Variants in DNAJC6 observed in about 807,000 individuals in gnomAD.
The protein encoded by DNAJC6 is DnaJ heat shock protein family (Hsp40) member C6.
DNAJC6 carries 34 observed loss-of-function variants against 110.0 expected under a neutral mutation model. The observed-to-expected ratio is 0.31, with a 90% CI of 0.24 to 0.41. The LOEUF (loss-of-function observed/expected upper bound fraction) is 0.41, where lower values mean the gene tolerates loss of function less well. Ranked by LOEUF, DNAJC6 falls within the 10% of genes least tolerant of loss-of-function variation. The probability of loss-of-function intolerance (pLI) is 1.00; values close to 1 mark genes in which losing one functional copy is unlikely to be tolerated. For synonymous variants in DNAJC6, 406 were observed against 437.2 expected (o/e 0.93, Z 0.89); for missense variants, 1,031 against 1,207.8 (o/e 0.85, Z 2.17).
chr1:65,412,310 A>G (rs1646136303), intron 18 of DNAJC6, among the ~76,000 whole-genome samples: 1 of 152,254 alleles, frequency 6.6e-6, no homozygotes, highest in Non-Finnish European at 1.5e-5. Context: ...AACATTCAGC[A>G]AGAAGTGAGT....
At chr1:65,285,498 T>C (rs1389194053) in intron 1 of DNAJC6, among the ~76,000 whole-genome samples, 2 of 152,180 alleles carry the variant, frequency 1.3e-5, no homozygotes, top group African/African-American at 4.8e-5. Context: ...TCTAACAATA[T>C]ATATTACACA....
intron 1 of DNAJC6, among the ~76,000 whole-genome samples, chr1:65,278,244 GT>G (rs1653737879): frequency 6.6e-6 from 1 of 152,082 alleles, no homozygotes; most frequent in African/African-American, 2.4e-5. Flanking sequence ...CATCTCATAT[GT>G]TTTTGATCAC....
Position 65,266,361 on chromosome 1 carries a change from A to G in DNAJC6, c.-131+1429A>G, listed in dbSNP as rs963946587. 2.0e-5 allele frequency among the ~76,000 whole-genome samples: 3 copies of G among 152,332 alleles called. No homozygotes were observed. The East Asian group carries it at 5.8e-4, about 29-fold the overall frequency. On this transcript the variant is annotated intron_variant, in intron 1 of 19. Coordinates refer to the DNAJC6 transcript ENST00000263441. ...GAAACTGTAATGAAGGCTCTTAAAC[A>G]ATCCCACTTTCCATAATTGAGGCTT...
intron 1 of DNAJC6, among the ~76,000 whole-genome samples, chr1:65,323,587 C>G (rs1485114888): frequency 6.6e-6 from 1 of 151,962 alleles, no homozygotes; most frequent in Non-Finnish European, 1.5e-5. Context: ...ATACACCTTC[C>G]TTCCTTTGTT....
chr1:65,409,599 G>A (rs1391668062), intron 17 of DNAJC6, among the ~76,000 whole-genome samples: 1 of 151,824 alleles, frequency 6.6e-6, no homozygotes. Context: ...ATTGACTGAA[G>A]CCCCCAGGAT....
intron 1 of DNAJC6, among the ~76,000 whole-genome samples, chr1:65,321,495 C>G (rs78333134): frequency 0.071 from 10,752 of 152,120 alleles, 638 homozygotes; most frequent in East Asian, 0.23. Flanking sequence ...CCACACCCAG[C>G]CTAAATTTAA....
intron 1 of DNAJC6, among the ~76,000 whole-genome samples, chr1:65,331,206 GTTGGTTCT>G (rs1387285959): frequency 6.6e-6 from 1 of 152,188 alleles, no homozygotes; most frequent in Non-Finnish European, 1.5e-5. Flanking sequence ...ACAAGTCCTG[GTTGGTTCT>G]TTGTAGCCAT....
At chr1:65,334,053 AT>A (rs1645312339) in intron 1 of DNAJC6, among the ~76,000 whole-genome samples, 2 of 152,254 alleles carry the variant, frequency 1.3e-5, no homozygotes, top group Non-Finnish European at 2.9e-5. Flanking sequence ...AAGATGGCAA[AT>A]TTATCGTTAG....
At chr1:65,361,988 T>C (rs1645602367) in intron 1 of DNAJC6, among the ~76,000 whole-genome samples, 1 of 152,192 alleles carries the variant, frequency 6.6e-6, no homozygotes, top group Non-Finnish European at 1.5e-5. Flanking sequence ...TGCAAAATTA[T>C]GCAAATAGAA....
intron 1 of DNAJC6, among the ~76,000 whole-genome samples, chr1:65,297,670 A>G (rs1644940788): frequency 1.3e-5 from 2 of 152,216 alleles, no homozygotes; most frequent in South Asian, 4.1e-4. Context: ...TGAAACAAAG[A>G]TGATAACAGC....
chr1:65,381,351 C>T (rs1271742710), intron 5 of DNAJC6, among the ~76,000 whole-genome samples: 1 of 151,790 alleles, frequency 6.6e-6, no homozygotes, highest in Non-Finnish European at 1.5e-5. Flanking sequence ...AGTTTGAGAC[C>T]AGCCTGGCCA....
intron 1 of DNAJC6, among the ~76,000 whole-genome samples, chr1:65,267,199 T>C (rs1653364374): frequency 6.6e-6 from 1 of 152,040 alleles, no homozygotes; most frequent in Admixed American, 6.6e-5. Context: ...GCCTGGCCGG[T>C]ATTTAGAATT....
chr1:65,392,627 C>T lies in DNAJC6; in HGVS notation c.1665C>T (p.Asp555=), dbSNP rs1450798101. The T allele has an allele frequency of 6.2e-7, 1 of 1,613,730 alleles. No individual in the cohort carries two copies. The highest frequency in any genetic ancestry group is 1.1e-5 in the South Asian group (1 of 90,986). ...PAAPPPPEDV[D]LLGLEGSAMS... is the part of the protein sequence containing the mutation. Reference sequence around the variant, plus strand: ...CCCCTCCACCCCCTGAGGATGTGGACCTTTTGGGCCTGGAAGGGTCTGCAA... The same window carrying T: ...CCCCTCCACCCCCTGAGGATGTGGATCTTTTGGGCCTGGAAGGGTCTGCAA... Residue 555 remains aspartate (D), a synonymous_variant, in exon 12 of 19, where the codon GAC becomes GAT. Coordinates refer to ENST00000371069, the MANE Select transcript of DNAJC6 (RefSeq NM_001256864.2).
chr1:65,395,565 T>C (rs889108995), intron 13 of DNAJC6, among the ~76,000 whole-genome samples: 1 of 151,864 alleles, frequency 6.6e-6, no homozygotes, highest in Non-Finnish European at 1.5e-5. Context: ...ACACTCCAAG[T>C]ATAAAATACA....
In DNAJC6 at chr1:65,315,035, T is replaced by C. The variant is rs1333710005; in HGVS notation, c.193+5097T>C. ...AGCTTTAGCTACTGGGGCAGTGTCT[T>C]TGAACTGTTCTCATCAGTGCAGAGT... On this transcript the variant is annotated intron_variant, in intron 1 of 18. Transcript: ENST00000371069. Among the ~76,000 whole-genome samples the C allele has an allele frequency of 2.6e-5, 4 of 152,346 alleles. No homozygotes were observed. The East Asian group carries it at 7.7e-4, about 29-fold the overall frequency.
intron 1 of DNAJC6, among the ~76,000 whole-genome samples, chr1:65,341,327 G>A (rs1350414564): frequency 6.6e-6 from 1 of 152,134 alleles, no homozygotes; most frequent in Non-Finnish European, 1.5e-5. Flanking sequence ...TTTTGCAGAG[G>A]ACACATTGTT....
At chr1:65,402,786 A>T (rs1007489401) in intron 15 of DNAJC6, among the ~76,000 whole-genome samples, 3 of 152,182 alleles carry the variant, frequency 2.0e-5, no homozygotes, top group Non-Finnish European at 4.4e-5. Context: ...TCCATTCTGT[A>T]CTATTTAGAT....
chr1:65,393,014 G>C (rs1051322282), intron 12 of DNAJC6, 149 bp downstream of exon 12: 1 of 733,512 alleles, frequency 1.4e-6, no homozygotes, highest in African/African-American at 1.8e-5. Context: ...TTTAAATTGA[G>C]AGCGTAAGAG....
At chr1:65,321,299 C>T (rs553787333) in intron 1 of DNAJC6, among the ~76,000 whole-genome samples, 56 of 152,254 alleles carry the variant, frequency 3.7e-4, no homozygotes, top group Non-Finnish European at 6.9e-4. Context: ...TTCCTGGGCT[C>T]AAGCAAGGCT....
Sources: gnomAD v4.1 joint callset for allele counts (sites outside exome capture counted in the v4.1 genomes callset) on GRCh38, gnomAD v4.1.1 for gene constraint, MANE v1.5 for transcripts, NCBI Gene and HGNC (gene_info 2026-07-23, HGNC 2026-07-21) for gene names.